The following ITPRID1 variants were observed in gnomAD, a reference collection of about 807,000 sequenced individuals.
ITPRID1 encodes the protein ITPR interacting domain containing 1.
Under a neutral mutation model 95.4 loss-of-function variants are expected in ITPRID1, and 96 were observed. The observed-to-expected ratio is 1.01, with a 90% CI of 0.85 to 1.19. The LOEUF (loss-of-function observed/expected upper bound fraction) is 1.19, where lower values mean the gene tolerates loss of function less well. Among genes scored for constraint, ITPRID1 ranks in the 50% most tolerant of loss-of-function variants. The pLI is 0.00. For synonymous variants in ITPRID1, 510 were observed against 453.6 expected, an observed-to-expected ratio of 1.12 and a Z score of -1.58; for missense variants, 1,339 against 1,252.9, an observed-to-expected ratio of 1.07 and a Z score of -1.04.
chr7:31,517,823 G>A (rs1783097117), intron 1 of ITPRID1: 1 of 152,396 alleles, frequency 6.6e-6, no homozygotes, highest in South Asian at 2.1e-4. Flanking sequence ...GGCTAAGGAG[G>A]TGCCGAGAGA....
At chr7:31,606,380 T>G (rs546469810) in intron 10 of ITPRID1, among the ~76,000 whole-genome samples, 15 of 152,208 alleles carry the variant, frequency 9.9e-5, no homozygotes, top group Non-Finnish European at 1.8e-4. Flanking sequence ...GGGGCTGTAT[T>G]TATATCTATG....
intron 10 of ITPRID1, among the ~76,000 whole-genome samples, chr7:31,617,997 G>T (rs925004226): frequency 2.0e-5 from 3 of 152,156 alleles, no homozygotes; most frequent in Non-Finnish European, 2.9e-5. Context: ...TAGATAAACT[G>T]TTTATGCTGT....
chr7:31,648,874 G>C (rs539356087), intron 12 of ITPRID1, among the ~76,000 whole-genome samples: 1 of 152,324 alleles, frequency 6.6e-6, no homozygotes, highest in African/African-American at 2.4e-5. Context: ...CAAGAGATGG[G>C]TTCGAAATCT....
chr7:31,514,408 G>T (rs1458895001), intron 1 of ITPRID1, among the ~76,000 whole-genome samples: 1 of 152,172 alleles, frequency 6.6e-6, no homozygotes, highest in African/African-American at 2.4e-5. Flanking sequence ...GTTAAATGCT[G>T]TTGGTGATAA....
At chr7:31,558,584 C>A (rs1303965473) in intron 5 of ITPRID1, among the ~76,000 whole-genome samples, 1 of 152,054 alleles carries the variant, frequency 6.6e-6, no homozygotes, top group Non-Finnish European at 1.5e-5. Flanking sequence ...GTTCTAGAGA[C>A]CTTAAGTACA....
intron 10 of ITPRID1, among the ~76,000 whole-genome samples, chr7:31,619,936 C>T (rs557954434): frequency 3.3e-5 from 5 of 152,282 alleles, no homozygotes; most frequent in South Asian, 4.1e-4. Flanking sequence ...GCTTAAAAAA[C>T]GGCGCACCAG....
chr7:31,647,767 A>G (rs529433706), intron 12 of ITPRID1, among the ~76,000 whole-genome samples: 7 of 151,944 alleles, frequency 4.6e-5, no homozygotes, highest in Non-Finnish European at 8.8e-5. Context: ...TGAAACTAAG[A>G]GCAATTTTAG....
intron 1 of ITPRID1, among the ~76,000 whole-genome samples, chr7:31,540,294 A>T (rs1347596057): frequency 1.3e-5 from 2 of 152,194 alleles, no homozygotes; most frequent in Non-Finnish European, 2.9e-5. Flanking sequence ...ATTAGTTGTC[A>T]GTGCCAGCAG....
In ITPRID1 at chr7:31,651,128, C is replaced by G. The variant is rs1359021541; in HGVS notation, c.2584-14C>G. 6.2e-7 allele frequency: 1 copy of G among 1,609,050 alleles called. No homozygotes were observed. Among genetic ancestry groups the G allele is most frequent in the Non-Finnish European group, 8.5e-7 (1 of 1,177,636 alleles). Reference sequence around the variant, plus strand: ...GAGAGGACTTTCTTCTCAGTTCTTTCTCATTGTTCTCAGTGCACAGTCCAT... The same window carrying G: ...GAGAGGACTTTCTTCTCAGTTCTTTGTCATTGTTCTCAGTGCACAGTCCAT... On this transcript the variant is annotated splice_polypyrimidine_tract_variant and intron_variant, in intron 12 of 14. Coordinates refer to ENST00000615280, the MANE Select transcript of ITPRID1 (RefSeq NM_001257967.3).
At chr7:31,547,648 C>CT (rs869071082) in intron 1 of ITPRID1, among the ~76,000 whole-genome samples, 1 of 149,104 alleles carries the variant, frequency 6.7e-6, no homozygotes, top group Admixed American at 6.6e-5. Flanking sequence ...GCAGCTCCTT[C>CT]TTTTTTTTAG....
intron 12 of ITPRID1, among the ~76,000 whole-genome samples, chr7:31,645,986 G>A (rs115752524): frequency 6.6e-6 from 1 of 152,132 alleles, no homozygotes; most frequent in Non-Finnish European, 1.5e-5. Flanking sequence ...CATTTTGAGA[G>A]GCCGTATGGG....
chr7:31,569,693 G>C, intron 5 of ITPRID1, 65 bp from the exon 6 acceptor site: 1 of 1,430,162 alleles, frequency 7.0e-7, no homozygotes, highest in Non-Finnish European at 9.6e-7. Context: ...TTCATTTGGG[G>C]TTGAGAAAAT....
At chr7:31,656,967 G>A (rs116156660), downstream of ITPRID1, among the ~76,000 whole-genome samples, 800 of 149,950 alleles carry the variant, frequency 5.3e-3, 9 homozygotes, top group African/African-American at 0.019. Flanking sequence ...TACCACCCCC[G>A]ATTCTCAGGC....
At chr7:31,636,724 T>A (rs1194488886) in intron 10 of ITPRID1, among the ~76,000 whole-genome samples, 1 of 151,062 alleles carries the variant, frequency 6.6e-6, no homozygotes, top group Non-Finnish European at 1.5e-5. Flanking sequence ...TCTTTTTTTT[T>A]TAAAAATTTT....
intron 1 of ITPRID1, among the ~76,000 whole-genome samples, chr7:31,524,558 G>T (rs746570054): frequency 6.6e-6 from 1 of 152,128 alleles, no homozygotes; most frequent in African/African-American, 2.4e-5. Context: ...TTGTTAAAAG[G>T]CAATTTCAGT....
chr7:31,570,941 C>G (rs138389341), intron 6 of ITPRID1, among the ~76,000 whole-genome samples: 34 of 152,250 alleles, frequency 2.2e-4, no homozygotes, highest in African/African-American at 7.0e-4. Context: ...TGTCTGTTAA[C>G]AGCAGAGTTT....
intron 1 of ITPRID1, among the ~76,000 whole-genome samples, chr7:31,519,618 C>CCATATATATATATATATATATATA (rs1783164406): frequency 9.5e-5 from 3 of 31,696 alleles, no homozygotes; most frequent in South Asian, 1.8e-3. Context: ...CTCTCTCTCT[C>CCATATATATATATATATATATATA]TCTATATATA....
At chr7:31,613,144 C>T (rs38333) in intron 10 of ITPRID1, among the ~76,000 whole-genome samples, 143,305 of 152,196 alleles carry the variant, frequency 0.94, 67,522 homozygotes, top group East Asian at 0.99. Context: ...TTCCTTTAAC[C>T]GATAGGATGC....
intron 10 of ITPRID1, among the ~76,000 whole-genome samples, chr7:31,598,639 G>A (rs7809294): frequency 0.17 from 25,133 of 151,878 alleles, 2,675 homozygotes; most frequent in East Asian, 0.23. Flanking sequence ...TCCTGACCTC[G>A]TGATCCGCCC....
Sources: allele counts gnomAD v4.1 joint callset (sites outside exome capture counted in the v4.1 genomes callset), GRCh38; gene constraint gnomAD v4.1.1; transcripts MANE v1.5; gene names NCBI Gene and HGNC (gene_info 2026-07-23, HGNC 2026-07-21).